The following RABGEF1 variants were observed in gnomAD, a reference collection of about 807,000 sequenced individuals.
RABGEF1 encodes rab5 GDP/GTP exchange factor.
In RABGEF1, 26 loss-of-function variants were observed where a neutral mutation model predicts 57.3. That is an observed-to-expected ratio of 0.45 (90% CI 0.33 to 0.63). RABGEF1 has a LOEUF of 0.63. RABGEF1 is among the 20% of genes least tolerant of loss of function. The probability of loss-of-function intolerance (pLI) is 0.02; values close to 1 mark genes in which losing one functional copy is unlikely to be tolerated. For synonymous variants in RABGEF1, 185 were observed against 210.7 expected (o/e 0.88, Z 1.06); for missense variants, 464 against 607.6 (o/e 0.76, Z 2.48).
chr7:66,699,489 G>A (rs182684538), intron 1 of RABGEF1, among the ~76,000 whole-genome samples: 78 of 152,202 alleles, frequency 5.1e-4, no homozygotes, highest in African/African-American at 1.8e-3. Context: ...TCGGGAGTTC[G>A]AGACCAGCCT....
intron 1 of RABGEF1, among the ~76,000 whole-genome samples, chr7:66,741,234 C>T (rs1411754245): frequency 6.6e-6 from 1 of 152,172 alleles, no homozygotes; most frequent in African/African-American, 2.4e-5. Context: ...ATGGGACGCT[C>T]GGACCCAGAC....
At chr7:66,759,598 A>T (rs1465009278) in intron 1 of RABGEF1, among the ~76,000 whole-genome samples, 1 of 152,212 alleles carries the variant, frequency 6.6e-6, no homozygotes, top group Non-Finnish European at 1.5e-5. Context: ...GAAACATTGC[A>T]GCTTCTGCTT....
chr7:66,737,399 G>A (rs1013515481), upstream of RABGEF1, among the ~76,000 whole-genome samples: 3 of 151,544 alleles, frequency 2.0e-5, no homozygotes, highest in Non-Finnish European at 2.9e-5. Context: ...GACTACAGGC[G>A]TGTGCCACCA....
chr7:66,672,621 C>G, the RABGEF1 span, among the ~76,000 whole-genome samples: 1 of 152,064 alleles, frequency 6.6e-6, no homozygotes, highest in African/African-American at 2.4e-5. Context: ...TAGCCATGTC[C>G]TTTTCAGAGT....
upstream of RABGEF1, chr7:66,682,052 C>CA (rs553443829): frequency 5.0e-4 from 84 of 166,706 alleles, no homozygotes; most frequent in African/African-American, 1.9e-3. Flanking sequence ...CGTCATCAGC[C>CA]AAAGGCCCCG....
the RABGEF1 span, among the ~76,000 whole-genome samples, chr7:66,671,044 T>G: frequency 0.11 from 15,959 of 151,528 alleles, 918 homozygotes; most frequent in Non-Finnish European, 0.11. Flanking sequence ...GAGAGAGAGA[T>G]AGAGAGATGG....
chr7:66,668,090 G>T, the RABGEF1 span, among the ~76,000 whole-genome samples: 3 of 151,842 alleles, frequency 2.0e-5, no homozygotes, highest in Non-Finnish European at 2.9e-5. Flanking sequence ...CAGCCACCGC[G>T]CCTGGCCCCA....
At chr7:66,705,447 G>GAGAT (rs1793899286) in intron 1 of RABGEF1, among the ~76,000 whole-genome samples, 1 of 55,220 alleles carries the variant, frequency 1.8e-5, no homozygotes, top group African/African-American at 6.0e-5. Flanking sequence ...GAAAGAAAGA[G>GAGAT]AGAGAGAGAG....
At chr7:66,658,881 G>A in the RABGEF1 span, among the ~76,000 whole-genome samples, 79 of 151,978 alleles carry the variant, frequency 5.2e-4, no homozygotes, top group East Asian at 6.1e-3. Flanking sequence ...GACTACAGGC[G>A]CCCACCACAA....
At chr7:66,750,542 A>T (rs1410005619) in intron 1 of RABGEF1, among the ~76,000 whole-genome samples, 2 of 152,178 alleles carry the variant, frequency 1.3e-5, no homozygotes, top group Non-Finnish European at 2.9e-5. Flanking sequence ...TTAAAGAGGA[A>T]TTTTTGCCTT....
upstream of RABGEF1, among the ~76,000 whole-genome samples, chr7:66,737,096 G>GAGCA (rs1267126501): frequency 4.4e-5 from 4 of 90,538 alleles, no homozygotes; most frequent in Admixed American, 1.2e-4. Context: ...GCGAGAGCGA[G>GAGCA]AGAGAGAGAG....
chr7:66,735,063 C>A (rs1797791428), intron 2 of RABGEF1, among the ~76,000 whole-genome samples: 2 of 152,182 alleles, frequency 1.3e-5, no homozygotes, highest in Non-Finnish European at 2.9e-5. Flanking sequence ...TTATTTCCTA[C>A]TAGCTAGTCT....
At chr7:66,720,260 C>T (rs1255880118) in intron 2 of RABGEF1, among the ~76,000 whole-genome samples, 3 of 148,306 alleles carry the variant, frequency 2.0e-5, no homozygotes, top group Admixed American at 1.3e-4. Flanking sequence ...TGCAGTGGCG[C>T]GATCTCGGCT....
chr7:66,703,568 T>C (rs1793603251), intron 1 of RABGEF1, among the ~76,000 whole-genome samples: 1 of 152,202 alleles, frequency 6.6e-6, no homozygotes, highest in Non-Finnish European at 1.5e-5. Flanking sequence ...CTTTCCCCCA[T>C]TGAATGATCT....
At chr7:66,726,200 G>A (rs1427225717) in intron 2 of RABGEF1, among the ~76,000 whole-genome samples, 1 of 152,204 alleles carries the variant, frequency 6.6e-6, no homozygotes, top group Non-Finnish European at 1.5e-5. Flanking sequence ...AAATGACTAT[G>A]AGAGTGCCTA....
chr7:66,661,192 A>T, the RABGEF1 span, among the ~76,000 whole-genome samples: 1 of 149,400 alleles, frequency 6.7e-6, no homozygotes, highest in Admixed American at 6.8e-5. Flanking sequence ...CCAGCTACTC[A>T]GGAGGCTGAG....
At chr7:66,786,423 A>G (rs1488177832) in intron 4 of RABGEF1, among the ~76,000 whole-genome samples, 2 of 152,012 alleles carry the variant, frequency 1.3e-5, no homozygotes, top group African/African-American at 4.8e-5. Flanking sequence ...TCTTTTTTTG[A>G]AGCAGTGTGT....
At chr7:66,709,083 T>C (rs1218198152) in intron 1 of RABGEF1, among the ~76,000 whole-genome samples, 1 of 151,744 alleles carries the variant, frequency 6.6e-6, no homozygotes, top group Non-Finnish European at 1.5e-5. Context: ...AATGGCACAA[T>C]CTCGGCTCAC....
At chr7:66,759,237 T>C (rs1207284464) in intron 1 of RABGEF1, among the ~76,000 whole-genome samples, 1 of 152,210 alleles carries the variant, frequency 6.6e-6, no homozygotes, top group Non-Finnish European at 1.5e-5. Flanking sequence ...ACATATTTAT[T>C]CCTTGCTATG....
Sources: gnomAD v4.1 joint callset for allele counts (sites outside exome capture counted in the v4.1 genomes callset) on GRCh38, gnomAD v4.1.1 for gene constraint, MANE v1.5 for transcripts, NCBI Gene and HGNC (gene_info 2026-07-23, HGNC 2026-07-21) for gene names.